MICAL3: variants seen among roughly 807,000 people sequenced by gnomAD.
MICAL3 encodes the protein microtubule associated monooxygenase, calponin and LIM domain containing 3, also known as [F-actin]-monooxygenase MICAL3.
MICAL3 carries 62 observed loss-of-function variants against 207.4 expected under a neutral mutation model. The observed-to-expected ratio is 0.30, with a 90% CI of 0.24 to 0.37. MICAL3 has a LOEUF of 0.37. Among genes scored for constraint, MICAL3 ranks in the 10% least tolerant of loss-of-function variants. The pLI, the probability that MICAL3 is intolerant of heterozygous loss-of-function variation, is 1.00. For synonymous variants in MICAL3, 1,077 were observed against 1,069.3 expected (o/e 1.01, Z -0.14); for missense variants, 2,368 against 2,635.6 (o/e 0.90, Z 2.22).
At chr22:17,810,634 TG>T in intron 28 of MICAL3, 68 bp downstream of exon 28, 2 of 1,261,040 alleles carry the variant, frequency 1.6e-6, no homozygotes, top group East Asian at 4.7e-5. Flanking sequence ...AGGGAGCAGC[TG>T]GGTGGATAGG....
chr22:17,935,509 A>G (rs1396300657), intron 1 of MICAL3, among the ~76,000 whole-genome samples: 1 of 152,248 alleles, frequency 6.6e-6, no homozygotes, highest in African/African-American at 2.4e-5. Flanking sequence ...CATTCAGGAC[A>G]CAGGCATGGG....
At chr22:17,806,290 C>T (rs911663828) in intron 29 of MICAL3, among the ~76,000 whole-genome samples, 7 of 152,222 alleles carry the variant, frequency 4.6e-5, no homozygotes, top group Non-Finnish European at 7.3e-5. Context: ...TGACAGCACG[C>T]ACGCCTGTCA....
intron 19 of MICAL3, among the ~76,000 whole-genome samples, chr22:17,849,678 G>A (rs1475834366): frequency 2.9e-5 from 4 of 135,916 alleles, no homozygotes; most frequent in African/African-American, 5.9e-5. Context: ...GTGTGTGTGT[G>A]TGTGTGTGTA....
chr22:17,986,243 G>A (rs1037853529), intron 1 of MICAL3, among the ~76,000 whole-genome samples: 4 of 152,296 alleles, frequency 2.6e-5, no homozygotes, highest in Non-Finnish European at 4.4e-5. Flanking sequence ...TGACTGGTCC[G>A]GGCACAGTGG....
intron 19 of MICAL3, among the ~76,000 whole-genome samples, chr22:17,846,663 G>C (rs548782771): frequency 2.9e-4 from 44 of 152,312 alleles, no homozygotes; most frequent in Non-Finnish European, 4.4e-5. Flanking sequence ...AGTGCACCCC[G>C]CCTGTCGGGC....
intron 1 of MICAL3, among the ~76,000 whole-genome samples, chr22:17,943,446 G>T (rs978608931): frequency 2.0e-5 from 3 of 152,226 alleles, no homozygotes; most frequent in Non-Finnish European, 2.9e-5. Context: ...TTACAGGCAT[G>T]AGCCACCGCA....
Position 17,872,009 on chromosome 22 carries a change from C to T in MICAL3, c.2256G>A (p.Lys752=), listed in dbSNP as rs777185116. 1 of 1,604,976 alleles carries T rather than the reference C, an allele frequency of 6.2e-7. No individual in the cohort carries two copies. Among genetic ancestry groups the T allele is most frequent in the South Asian group, 1.1e-5 (1 of 89,026 alleles). Residue 752 remains lysine, a synonymous_variant, in exon 17 of 32, where the codon AAG becomes AAA. Coordinates refer to ENST00000441493, the MANE Select transcript of MICAL3 (RefSeq NM_015241.3). The part of the protein sequence containing the change: ...IGIRRQGSMK[K]EFPQNLGGSD... ...TGCCTCCCAGGTTCTGCGGGAACTC[C>T]TTCTTCATGGAGCCCTGCAGGAGGT...
intron 1 of MICAL3, among the ~76,000 whole-genome samples, chr22:17,942,829 T>C (rs1933875190): frequency 6.6e-6 from 1 of 152,202 alleles, no homozygotes; most frequent in Admixed American, 6.5e-5. Flanking sequence ...CTAAGAGACT[T>C]GGGCCAGGCC....
chr22:17,830,504 G>A (rs75327180), intron 21 of MICAL3, among the ~76,000 whole-genome samples: 32 of 152,338 alleles, frequency 2.1e-4, no homozygotes, highest in African/African-American at 7.5e-4. Context: ...CAAAGCTGCC[G>A]AGTGATCATC....
intron 29 of MICAL3, among the ~76,000 whole-genome samples, chr22:17,806,398 T>A (rs1376255232): frequency 4.6e-5 from 7 of 151,882 alleles, no homozygotes; most frequent in Non-Finnish European, 8.8e-5. Context: ...TGTTTGAGAC[T>A]TGCTTGTCAT....
intron 16 of MICAL3, chr22:17,872,596 T>C: frequency 1.6e-6 from 1 of 623,080 alleles, no homozygotes; most frequent in Non-Finnish European, 2.9e-6. Flanking sequence ...ACTGCAGTCT[T>C]AGGAATTTGG....
rs868729253 is a variant in MICAL3 at position 17,818,802 on chromosome 22, C to T, written c.3859G>A (p.Ala1287Thr). The T allele has an allele frequency of 6.4e-7, 1 of 1,570,308 alleles. No individual in the cohort carries two copies. Among genetic ancestry groups the T allele is most frequent in the Non-Finnish European group, 8.7e-7 (1 of 1,153,960 alleles). The change falls in exon 26 of 32, where the codon GCC becomes ACC. Residue 1287 changes from alanine to threonine, a missense_variant. Coordinates refer to ENST00000441493, the MANE Select transcript of MICAL3 (RefSeq NM_015241.3). The stretch of plus-strand genomic sequence containing the variant: ...GGGGCCAGTGGGGTGGATGTTTTGG[C>T]CGGGGCAGGCTGGAAGCGTATGGGG... ...QSPIRFQPAPAKTSTPLAPLP... is the reference protein window; with the variant it reads ...QSPIRFQPAPTKTSTPLAPLP...
At chr22:17,919,315 C>A (rs191491980) in intron 1 of MICAL3, among the ~76,000 whole-genome samples, 1 of 152,312 alleles carries the variant, frequency 6.6e-6, no homozygotes, top group Admixed American at 6.5e-5. Context: ...CTTGCCTTGG[C>A]CTCCCACTGG....
At chr22:17,802,674 C>T (rs1275377057) in intron 29 of MICAL3, among the ~76,000 whole-genome samples, 4 of 152,176 alleles carry the variant, frequency 2.6e-5, no homozygotes, top group Non-Finnish European at 1.5e-5. Context: ...AATCACAGAA[C>T]TATGACATTG....
rs67222681 is a variant in MICAL3, at chr22:17,929,568, CTT to C, written c.-74-22684_-74-22683del. Among the ~76,000 whole-genome samples the C allele has an allele frequency of 6.2e-3, 672 of 108,844 alleles. 4 individuals carry two copies. The highest frequency in any genetic ancestry group is 0.023 in the African/African-American group (628 of 27,622). The allele number at this position is 108,844 out of a possible 152,430, so 71.4% of individuals were successfully genotyped here. A position where few individuals can be genotyped will look rare whatever the true frequency, so the allele number is the denominator to read the frequency against. ...ATTTTTCTTTCTTTCCTTTTCTTTT[CTT>C]TTTTTTTTTTTTTTTTTGACAGGGT... On this transcript the variant is annotated intron_variant, in intron 1 of 31. Transcript: ENST00000441493.
intron 19 of MICAL3, among the ~76,000 whole-genome samples, chr22:17,843,287 A>G (rs915085170): frequency 3.3e-5 from 5 of 152,200 alleles, no homozygotes; most frequent in African/African-American, 9.7e-5. Flanking sequence ...AACATGGAAC[A>G]GTTCTGCTGC....
At chr22:17,892,130 C>T (rs1334336645) in intron 11 of MICAL3, among the ~76,000 whole-genome samples, 2 of 152,342 alleles carry the variant, frequency 1.3e-5, no homozygotes, top group Non-Finnish European at 2.9e-5. Context: ...TTCCAAGGCA[C>T]TGTATAACTT....
Position 17,976,580 on chromosome 22 carries a change from TATATA to T in MICAL3, c.-75+47696_-75+47700del, listed in dbSNP as rs1433108959. On this transcript the variant is annotated intron_variant, in intron 1 of 31. Coordinates refer to ENST00000441493, the MANE Select transcript of MICAL3 (RefSeq NM_015241.3). ...GTGTGTGTATATATATATATATATA[TATATA>T]TATATTTTTTTTTTTTTTTTTTGAG... 2.0e-3 allele frequency among the ~76,000 whole-genome samples: 200 copies of T among 100,602 alleles called. 4 individuals are homozygous for T. The highest frequency in any genetic ancestry group is 7.1e-3 in the African/African-American group (156 of 22,092). The allele number at this position is 100,602 out of a possible 152,430, so 66.0% of individuals were successfully genotyped here. A position where few individuals can be genotyped will look rare whatever the true frequency, so the allele number is the denominator to read the frequency against.
intron 1 of MICAL3, among the ~76,000 whole-genome samples, chr22:17,963,666 T>G (rs539472797): frequency 6.6e-6 from 1 of 152,216 alleles, no homozygotes; most frequent in East Asian, 1.9e-4. Flanking sequence ...CCATAAGCCA[T>G]AGGAGTCACC....
Sources: gnomAD v4.1 joint callset for allele counts (sites outside exome capture counted in the v4.1 genomes callset) on GRCh38, gnomAD v4.1.1 for gene constraint, MANE v1.5 for transcripts, NCBI Gene and HGNC (gene_info 2026-07-23, HGNC 2026-07-21) for gene names.